GLRB: variants seen among roughly 807,000 people sequenced by gnomAD.
GLRB encodes glycine receptor subunit beta.
A neutral mutation model predicts 54.2 loss-of-function variants in GLRB; 33 were observed. The observed-to-expected ratio is 0.61, with a 90% CI of 0.46 to 0.81. GLRB has a LOEUF of 0.81. GLRB is among the 40% of genes least tolerant of loss of function. The pLI, the probability that GLRB is intolerant of heterozygous loss-of-function variation, is 0.00. For synonymous variants in GLRB, 209 were observed against 208.2 expected, an observed-to-expected ratio of 1.00 and a Z score of -0.03; for missense variants, 572 against 584.6, an observed-to-expected ratio of 0.98 and a Z score of 0.22.
In GLRB at chr4:157,170,964, G is replaced by T; in HGVS notation, c.*236G>T. On this transcript the variant is annotated 3_prime_UTR_variant, in exon 10 of 10. Transcript: ENST00000264428. ...AACATATTGCTTAGTAACAAATGAA[G>T]GACAAGCATACTACATAATATAATC... is the stretch of plus-strand genomic sequence containing the variant. The T allele has an allele frequency of 2.7e-6, 1 of 373,390 alleles. No individual in the cohort carries two copies. The highest frequency in any genetic ancestry group is 4.3e-5 in the East Asian group (1 of 23,060). 23.1% of individuals were successfully genotyped at this position (373,390 alleles called of 1,614,324 possible).
intron 6 of GLRB, 116 bp from the exon 7 acceptor site, chr4:157,138,693 A>G (rs1398098382): frequency 1.3e-5 from 8 of 634,076 alleles, no homozygotes; most frequent in Non-Finnish European, 2.2e-5. Flanking sequence ...CTACAATTTC[A>G]TATAAGAAGG....
intron 2 of GLRB, among the ~76,000 whole-genome samples, chr4:157,089,313 C>CCAGGAGG (rs1734523694): frequency 2.0e-5 from 3 of 152,080 alleles, no homozygotes; most frequent in Non-Finnish European, 4.4e-5. Flanking sequence ...GTGGGAGAAT[C>CCAGGAGG]ACCTGAGTCC....
Position 157,130,519 on chromosome 4 carries a change from AT to A in GLRB, c.298-5943del, listed in dbSNP as rs1163000623. ...GAACAAACCTATTCTTAGTCTTGAT[AT>A]TTTTTTGGTAATGTTTTGAAGGTTC... On this transcript the variant is annotated intron_variant, in intron 4 of 9. Transcript: ENST00000264428. 1.1e-4 allele frequency among the ~76,000 whole-genome samples: 17 copies of A among 151,336 alleles called. No homozygotes were observed. In the East Asian group the frequency reaches 3.1e-3, roughly 28 times the overall value.
At chr4:157,158,314 G>C (rs1737319800) in intron 9 of GLRB, among the ~76,000 whole-genome samples, 1 of 152,034 alleles carries the variant, frequency 6.6e-6, no homozygotes, top group African/African-American at 2.4e-5. Context: ...TTCTTTTGCT[G>C]TGCAGAAGCT....
chr4:157,100,178 G>T (rs150693173), intron 2 of GLRB, among the ~76,000 whole-genome samples: 9 of 152,172 alleles, frequency 5.9e-5, no homozygotes, highest in Middle Eastern at 3.4e-3. Context: ...TTTGTCTCAA[G>T]AAATCTTTCT....
chr4:157,115,694 G>T (rs1428924936), intron 2 of GLRB, among the ~76,000 whole-genome samples: 1 of 151,736 alleles, frequency 6.6e-6, no homozygotes, highest in Non-Finnish European at 1.5e-5. Flanking sequence ...TTGGGGAAGT[G>T]TAGAGTTTTT....
At chr4:157,155,410 G>C (rs1737187887) in intron 9 of GLRB, among the ~76,000 whole-genome samples, 1 of 152,128 alleles carries the variant, frequency 6.6e-6, no homozygotes, top group Non-Finnish European at 1.5e-5. Context: ...GGGAATACAG[G>C]CATGAACCAC....
At chr4:157,147,215 G>C (rs375184264) in intron 8 of GLRB, among the ~76,000 whole-genome samples, 1 of 152,176 alleles carries the variant, frequency 6.6e-6, no homozygotes, top group Non-Finnish European at 1.5e-5. Context: ...GGGAGTGAGC[G>C]TAAGCAGAGA....
chr4:157,148,822 T>G (rs1736911698), intron 8 of GLRB, among the ~76,000 whole-genome samples: 1 of 152,138 alleles, frequency 6.6e-6, no homozygotes, highest in African/African-American at 2.4e-5. Context: ...TTGTTTGTTG[T>G]GTTCTGTAAG....
chr4:157,156,449 T>C (rs762748607), intron 9 of GLRB, among the ~76,000 whole-genome samples: 2 of 152,174 alleles, frequency 1.3e-5, no homozygotes, highest in Non-Finnish European at 2.9e-5. Context: ...GAGGAGTCTC[T>C]AGGGCTTTCT....
At chr4:157,168,973 C>A (rs1737818682) in intron 9 of GLRB, among the ~76,000 whole-genome samples, 1 of 152,130 alleles carries the variant, frequency 6.6e-6, no homozygotes, top group South Asian at 2.1e-4. Flanking sequence ...ACACTGCTAT[C>A]TGGCTCTTGT....
intron 9 of GLRB, among the ~76,000 whole-genome samples, chr4:157,154,971 A>G (rs573974532): frequency 5.9e-5 from 9 of 152,302 alleles, no homozygotes; most frequent in African/African-American, 1.9e-4. Flanking sequence ...ATACTTCTGC[A>G]TACATTTAGA....
At position 157,118,483 on chromosome 4, in the gene GLRB, C is replaced by G. The variant is rs143749830; in HGVS notation, c.123-2073C>G. On this transcript the variant is annotated intron_variant, in intron 2 of 9. Coordinates refer to ENST00000264428, the MANE Select transcript of GLRB (RefSeq NM_000824.5). ...ATTAATTGGAAAATCTAATTACCAG[C>G]CCTCAAGTTTATGAAGCTGTGATAT... Among the ~76,000 whole-genome samples, 412 of 151,594 alleles carry G rather than the reference C, an allele frequency of 2.7e-3. 2 individuals carry two copies. Among genetic ancestry groups the G allele is most frequent in the African/African-American group, 9.5e-3 (393 of 41,472 alleles).
At chr4:157,094,902 C>T (rs146760193) in intron 2 of GLRB, among the ~76,000 whole-genome samples, 7 of 152,270 alleles carry the variant, frequency 4.6e-5, no homozygotes, top group South Asian at 2.1e-4. Flanking sequence ...CAAAAAAATA[C>T]GTACAAGAAT....
intron 9 of GLRB, among the ~76,000 whole-genome samples, chr4:157,161,017 T>C (rs1737464390): frequency 6.6e-6 from 1 of 152,234 alleles, no homozygotes; most frequent in Non-Finnish European, 1.5e-5. Context: ...TGGGTGCTCC[T>C]GTATCGGGTG....
intron 9 of GLRB, among the ~76,000 whole-genome samples, chr4:157,159,111 C>T (rs1052471478): frequency 2.6e-5 from 4 of 152,102 alleles, no homozygotes; most frequent in African/African-American, 9.7e-5. Context: ...TGGGAGTTCG[C>T]TCATGATTTG....
At chr4:157,167,241 A>C (rs530801137) in intron 9 of GLRB, among the ~76,000 whole-genome samples, 1 of 152,324 alleles carries the variant, frequency 6.6e-6, no homozygotes, top group East Asian at 1.9e-4. Flanking sequence ...CTTGATTTTA[A>C]AGATTTCTCT....
chr4:157,153,042 C>A, intron 9 of GLRB, 32 bp downstream of exon 9: 1 of 1,545,394 alleles, frequency 6.5e-7, no homozygotes, highest in Non-Finnish European at 8.9e-7. Flanking sequence ...GAAATCATTT[C>A]CCCCAACCAC....
chr4:157,124,683 A>G (rs1735954116), intron 4 of GLRB, among the ~76,000 whole-genome samples: 1 of 151,828 alleles, frequency 6.6e-6, no homozygotes, highest in Admixed American at 6.6e-5. Flanking sequence ...TCGTTACTAC[A>G]GAGTGTAATT....
Sources: allele counts gnomAD v4.1 joint callset (sites outside exome capture counted in the v4.1 genomes callset), GRCh38; gene constraint gnomAD v4.1.1; transcripts MANE v1.5; gene names NCBI Gene and HGNC (gene_info 2026-07-23, HGNC 2026-07-21).